Variants in LINGO2 observed in about 807,000 individuals in gnomAD.
The protein encoded by LINGO2 is leucine-rich repeat and immunoglobulin-like domain-containing nogo receptor-interacting protein 2.
LINGO2 carries 14 observed loss-of-function variants against 30.6 expected under a neutral mutation model. The ratio of observed to expected loss-of-function variants is 0.46; its 90% confidence interval spans 0.30 to 0.72. The LOEUF (loss-of-function observed/expected upper bound fraction) is 0.72. LINGO2 is among the 30% of genes least tolerant of loss of function. LINGO2 has a pLI of 0.07. For missense variants in LINGO2, 729 were observed against 751.7 expected, an observed-to-expected ratio of 0.97 and a Z score of 0.35; for synonymous variants, 317 against 288.5, an observed-to-expected ratio of 1.10 and a Z score of -1.00.
At chr9:28,400,707 T>C (rs1229077816) in intron 2 of LINGO2, among the ~76,000 whole-genome samples, 1 of 152,202 alleles carries the variant, frequency 6.6e-6, no homozygotes, top group East Asian at 1.9e-4. Flanking sequence ...AAAGGGTAAT[T>C]AATGATGGTT....
intron 4 of LINGO2, among the ~76,000 whole-genome samples, chr9:28,162,496 C>A (rs1307458772): frequency 6.6e-6 from 1 of 152,066 alleles, no homozygotes; most frequent in Admixed American, 6.6e-5. Flanking sequence ...TATGGAAGCC[C>A]TCTCAGAATC....
intron 5 of LINGO2, among the ~76,000 whole-genome samples, chr9:27,957,554 A>T (rs1205042903): frequency 2.0e-5 from 3 of 152,134 alleles, no homozygotes; most frequent in African/African-American, 7.2e-5. Flanking sequence ...GGCCTCCCCA[A>T]AGTGCTGGGA....
intron 1 of LINGO2, among the ~76,000 whole-genome samples, chr9:28,571,603 T>C (rs1823697281): frequency 6.6e-6 from 1 of 152,046 alleles, no homozygotes; most frequent in African/African-American, 2.4e-5. Context: ...GATTATGCAG[T>C]TAAGTGATGG....
chr9:28,644,381 C>T (rs1400189258), intron 1 of LINGO2, among the ~76,000 whole-genome samples: 1 of 151,870 alleles, frequency 6.6e-6, no homozygotes, highest in African/African-American at 2.4e-5. Context: ...GAGATCCTGT[C>T]GTTTGCAAGA....
intron 2 of LINGO2, among the ~76,000 whole-genome samples, chr9:28,461,325 C>T (rs1244733664): frequency 6.6e-6 from 1 of 152,134 alleles, no homozygotes; most frequent in African/African-American, 2.4e-5. Flanking sequence ...TCAGTGCTCT[C>T]TCCCTACCAT....
At chr9:27,973,360 A>G (rs1288751687) in intron 5 of LINGO2, among the ~76,000 whole-genome samples, 3 of 152,154 alleles carry the variant, frequency 2.0e-5, no homozygotes, top group Admixed American at 2.0e-4. Flanking sequence ...GGAGGTACCT[A>G]TGAATCTTCA....
chr9:28,073,256 G>A (rs925148234), intron 4 of LINGO2, among the ~76,000 whole-genome samples: 1 of 152,056 alleles, frequency 6.6e-6, no homozygotes, highest in African/African-American at 2.4e-5. Context: ...CGTATTAGCT[G>A]CTGTCCTTCA....
At chr9:28,730,433 G>T in the LINGO2 span, among the ~76,000 whole-genome samples, 1 of 152,116 alleles carries the variant, frequency 6.6e-6, no homozygotes, top group Non-Finnish European at 1.5e-5. Context: ...AAATAAATCT[G>T]TCCTGATCAA....
intron 4 of LINGO2, among the ~76,000 whole-genome samples, chr9:28,226,609 AG>A (rs1296483973): frequency 1.2e-5 from 1 of 84,116 alleles, no homozygotes; most frequent in East Asian, 3.4e-4. Context: ...AGAAAGAAAA[AG>A]GTAAGAAGGA....
intron 4 of LINGO2, among the ~76,000 whole-genome samples, chr9:28,290,975 G>T (rs776528816): frequency 9.9e-5 from 15 of 152,088 alleles, no homozygotes; most frequent in Non-Finnish European, 5.9e-5. Context: ...GTGTATATAA[G>T]CTGCAGCTCC....
chr9:28,077,412 C>T (rs7026197), intron 4 of LINGO2, among the ~76,000 whole-genome samples: 9,735 of 152,104 alleles, frequency 0.064, 915 homozygotes, highest in African/African-American at 0.21. Context: ...GCAAAGGATA[C>T]GGGTTGGACA....
At chr9:28,786,998 T>C in the LINGO2 span, among the ~76,000 whole-genome samples, 4 of 152,164 alleles carry the variant, frequency 2.6e-5, no homozygotes, top group Non-Finnish European at 2.9e-5. Context: ...TCAAAATCAG[T>C]AAGCAAAAAC....
At chr9:28,524,493 G>T (rs571506424) in intron 1 of LINGO2, among the ~76,000 whole-genome samples, 1 of 152,022 alleles carries the variant, frequency 6.6e-6, no homozygotes, top group Non-Finnish European at 1.5e-5. Flanking sequence ...GGTGGCTCAC[G>T]CCTGTAATCA....
At chr9:28,859,133 A>C in the LINGO2 span, among the ~76,000 whole-genome samples, 1 of 152,230 alleles carries the variant, frequency 6.6e-6, no homozygotes, top group Non-Finnish European at 1.5e-5. Context: ...TCTGAAGGAG[A>C]GTAATTTTCA....
At chr9:28,789,888 TTCTA>T in the LINGO2 span, among the ~76,000 whole-genome samples, 1 of 152,168 alleles carries the variant, frequency 6.6e-6, no homozygotes, top group Non-Finnish European at 1.5e-5. Flanking sequence ...TACAGTAGGT[TTCTA>T]TCTCTCTTAA....
chr9:28,739,324 T>A, the LINGO2 span, among the ~76,000 whole-genome samples: 1 of 151,910 alleles, frequency 6.6e-6, no homozygotes, highest in African/African-American at 2.4e-5. Context: ...TAAGGAATAT[T>A]GTAAAGGGCA....
chr9:28,770,019 T>C, the LINGO2 span, among the ~76,000 whole-genome samples: 1 of 152,104 alleles, frequency 6.6e-6, no homozygotes, highest in Non-Finnish European at 1.5e-5. Flanking sequence ...TTTCTGAAAT[T>C]TCCTGGCTCT....
chr9:29,070,012 A>G, the LINGO2 span, among the ~76,000 whole-genome samples: 1 of 152,114 alleles, frequency 6.6e-6, no homozygotes, highest in African/African-American at 2.4e-5. Context: ...ATAGTTTTCA[A>G]TGAATTGCAC....
At chr9:28,241,078 G>A (rs909734389) in intron 4 of LINGO2, among the ~76,000 whole-genome samples, 1 of 152,020 alleles carries the variant, frequency 6.6e-6, no homozygotes, top group African/African-American at 2.4e-5. Flanking sequence ...AGACCATCCT[G>A]GCCAACATGG....
Sources: allele counts gnomAD v4.1 joint callset (sites outside exome capture counted in the v4.1 genomes callset), GRCh38; gene constraint gnomAD v4.1.1; transcripts MANE v1.5; gene names NCBI Gene and HGNC (gene_info 2026-07-23, HGNC 2026-07-21).